The following ATAD2B variants were observed in gnomAD, a reference collection of about 807,000 sequenced individuals.
ATAD2B encodes the protein ATPase family AAA domain-containing protein 2B.
A neutral mutation model predicts 167.6 loss-of-function variants in ATAD2B; 40 were observed. The observed-to-expected ratio is 0.24, with a 90% CI of 0.19 to 0.31. ATAD2B has a LOEUF of 0.31. Ranked by LOEUF, ATAD2B falls within the 10% of genes least tolerant of loss-of-function variation. The probability of loss-of-function intolerance (pLI) is 1.00; values close to 1 mark genes in which losing one functional copy is unlikely to be tolerated. For missense variants in ATAD2B, 1,242 were observed against 1,757.2 expected, an observed-to-expected ratio of 0.71 and a Z score of 5.24; for synonymous variants, 579 against 596.5, an observed-to-expected ratio of 0.97 and a Z score of 0.43.
chr2:23,841,826 TC>T (rs1158053039), intron 13 of ATAD2B, among the ~76,000 whole-genome samples: 3 of 152,206 alleles, frequency 2.0e-5, no homozygotes, highest in Non-Finnish European at 4.4e-5. Flanking sequence ...AGAAATTCAT[TC>T]CTTTTTAAGG....
At chr2:23,793,762 T>C (rs1220061518) in intron 19 of ATAD2B, among the ~76,000 whole-genome samples, 1 of 152,152 alleles carries the variant, frequency 6.6e-6, no homozygotes, top group Non-Finnish European at 1.5e-5. Context: ...GGAGAAATGA[T>C]GGCCAGTAAC....
At chr2:23,740,269 T>C in the ATAD2B span, among the ~76,000 whole-genome samples, 1 of 152,204 alleles carries the variant, frequency 6.6e-6, no homozygotes, top group African/African-American at 2.4e-5. Context: ...TTCAGACCAA[T>C]ATCCCTGATG....
At chr2:23,901,961 A>G (rs1266684990) in intron 1 of ATAD2B, among the ~76,000 whole-genome samples, 1 of 152,224 alleles carries the variant, frequency 6.6e-6, no homozygotes, top group Non-Finnish European at 1.5e-5. Flanking sequence ...TATCAATTTA[A>G]GTGAGTTTTG....
intron 1 of ATAD2B, among the ~76,000 whole-genome samples, chr2:23,925,628 A>G (rs540433258): frequency 2.0e-4 from 30 of 152,352 alleles, no homozygotes; most frequent in African/African-American, 7.0e-4. Context: ...CAAACGTGTC[A>G]ATTCCTTTAA....
At chr2:23,852,936 C>T (rs1231334711) in intron 13 of ATAD2B, among the ~76,000 whole-genome samples, 1 of 150,772 alleles carries the variant, frequency 6.6e-6, no homozygotes, top group Non-Finnish European at 1.5e-5. Context: ...AAAAAAAAAT[C>T]TAAAATTCAA....
At position 23,887,615 on chromosome 2, in the gene ATAD2B, T is replaced by C. The variant is rs565244034; in HGVS notation, c.572+217A>G. 3.3e-5 allele frequency among the ~76,000 whole-genome samples: 5 copies of C among 152,296 alleles called. No homozygotes were observed. The South Asian group carries it at 8.3e-4, about 25-fold the overall frequency. On this transcript the variant is annotated intron_variant, in intron 4 of 27. Coordinates refer to ENST00000238789, the MANE Select transcript of ATAD2B (RefSeq NM_017552.4). ...ACAGATGCAGACGTTGAACGGATAGTCAGCTCACTGACTAGCTAAGAGACT... is the reference window on the plus strand; with the variant it reads ...ACAGATGCAGACGTTGAACGGATAGCCAGCTCACTGACTAGCTAAGAGACT...
the ATAD2B span, among the ~76,000 whole-genome samples, chr2:23,714,237 T>C: frequency 4.5e-4 from 68 of 150,332 alleles, no homozygotes; most frequent in Admixed American, 1.1e-3. Context: ...ATTCTCAAAA[T>C]ACTTTTTTTT....
At chr2:23,826,023 A>G (rs893779644) in intron 15 of ATAD2B, among the ~76,000 whole-genome samples, 2 of 152,182 alleles carry the variant, frequency 1.3e-5, no homozygotes, top group African/African-American at 2.4e-5. Context: ...ACATTCGCTT[A>G]TAAGTAAGAA....
At chr2:23,901,963 T>C (rs1010200079) in intron 1 of ATAD2B, among the ~76,000 whole-genome samples, 1 of 152,210 alleles carries the variant, frequency 6.6e-6, no homozygotes, top group African/African-American at 2.4e-5. Flanking sequence ...TCAATTTAAG[T>C]GAGTTTTGCA....
chr2:23,770,249 G>A (rs1218454574), intron 22 of ATAD2B, among the ~76,000 whole-genome samples: 1 of 151,966 alleles, frequency 6.6e-6, no homozygotes, highest in African/African-American at 2.4e-5. Context: ...CCAGGAGGCG[G>A]AGGTTGCAAT....
At chr2:23,684,469 CAG>C in the ATAD2B span, 3 of 1,550,828 alleles carry the variant, frequency 1.9e-6, no homozygotes, top group Non-Finnish European at 2.6e-6. The surrounding 1 kb of genome is among the most constrained non-coding windows in gnomAD (Gnocchi z 4.4). Flanking sequence ...TTGTTGAAGG[CAG>C]AGAGTTTGAA....
the ATAD2B span, among the ~76,000 whole-genome samples, chr2:23,738,094 G>A: frequency 2.6e-5 from 4 of 152,190 alleles, no homozygotes; most frequent in African/African-American, 9.7e-5. Flanking sequence ...GAAAGTGACG[G>A]GGAGAATGGA....
the ATAD2B span, among the ~76,000 whole-genome samples, chr2:23,735,371 C>T: frequency 1.5e-3 from 232 of 152,236 alleles, 2 homozygotes; most frequent in African/African-American, 4.9e-3. Flanking sequence ...GTGATGCACA[C>T]CTGAATGGAA....
In ATAD2B at chr2:23,781,651, G is replaced by A. The variant is rs72780187; in HGVS notation, c.3133+1218C>T. On this transcript the variant is annotated intron_variant, in intron 22 of 27. Transcript: ENST00000238789. ...CTGTACTCCAACTGGGGCAACAGAC[G>A]GAGATTCCATCTCAAAAAAATAAAA... Among the ~76,000 whole-genome samples, 583 of 151,492 alleles carry A rather than the reference G, an allele frequency of 3.8e-3. 4 individuals carry two copies. The highest frequency in any genetic ancestry group is 6.9e-3 in the Non-Finnish European group (470 of 67,892).
chr2:23,692,410 AC>A, the ATAD2B span, among the ~76,000 whole-genome samples: 1 of 152,370 alleles, frequency 6.6e-6, no homozygotes, highest in East Asian at 1.9e-4. Context: ...TGCTGCCTTT[AC>A]GCTTGATGCT....
intron 7 of ATAD2B, among the ~76,000 whole-genome samples, chr2:23,877,998 T>C (rs1697196136): frequency 3.2e-5 from 2 of 62,264 alleles, no homozygotes; most frequent in Non-Finnish European, 6.3e-5. Context: ...CCAGCCTGGA[T>C]GACCCTATCT....
the ATAD2B span, among the ~76,000 whole-genome samples, chr2:23,739,191 C>G: frequency 6.6e-6 from 1 of 152,164 alleles, no homozygotes; most frequent in Non-Finnish European, 1.5e-5. Flanking sequence ...AGCTCTGCAC[C>G]AAGTGGACCT....
At chr2:23,780,792 C>T (rs528919012) in intron 22 of ATAD2B, among the ~76,000 whole-genome samples, 3 of 152,106 alleles carry the variant, frequency 2.0e-5, no homozygotes, top group Admixed American at 1.3e-4. Flanking sequence ...CCCAGCTACT[C>T]GGGAGGGTGA....
chr2:23,737,831 A>G, the ATAD2B span, among the ~76,000 whole-genome samples: 1 of 152,220 alleles, frequency 6.6e-6, no homozygotes, highest in Non-Finnish European at 1.5e-5. Context: ...TAACTAGAAT[A>G]ACCAATGCAG....
Sources: gnomAD v4.1 joint callset for allele counts (sites outside exome capture counted in the v4.1 genomes callset) on GRCh38, gnomAD v4.1.1 for gene constraint, Gnocchi (gnomAD v3.1) non-coding constraint, MANE v1.5 for transcripts, NCBI Gene and HGNC (gene_info 2026-07-23, HGNC 2026-07-21) for gene names.